Variants in RUNX1 observed in about 807,000 individuals in gnomAD.
RUNX1 encodes the protein runt-related transcription factor 1.
RUNX1 carries 19 observed loss-of-function variants against 42.8 expected under a neutral mutation model. The observed-to-expected ratio is 0.44, with a 90% CI of 0.31 to 0.65. The LOEUF (loss-of-function observed/expected upper bound fraction) is 0.65, where lower values mean the gene tolerates loss of function less well. RUNX1 is among the 30% of genes least tolerant of loss of function. The probability of loss-of-function intolerance (pLI) is 0.07; values close to 1 mark genes in which losing one functional copy is unlikely to be tolerated. For synonymous variants in RUNX1, 271 were observed against 289.4 expected, an observed-to-expected ratio of 0.94 and a Z score of 0.64; for missense variants, 528 against 672.0, an observed-to-expected ratio of 0.79 and a Z score of 2.37.
intron 6 of RUNX1, among the ~76,000 whole-genome samples, chr21:34,842,086 AT>A (rs1294361318): frequency 4.6e-5 from 7 of 152,232 alleles, no homozygotes; most frequent in African/African-American, 1.7e-4. Context: ...GAAAGCAGAA[AT>A]CATTTCAGGT....
At chr21:34,845,500 T>C (rs1444706843) in intron 6 of RUNX1, among the ~76,000 whole-genome samples, 1 of 152,238 alleles carries the variant, frequency 6.6e-6, no homozygotes, top group African/African-American at 2.4e-5. Flanking sequence ...AGCTCCTCTG[T>C]GTTACGCAGG....
At chr21:34,912,694 G>A (rs2058281691) in intron 2 of RUNX1, among the ~76,000 whole-genome samples, 1 of 152,170 alleles carries the variant, frequency 6.6e-6, no homozygotes, top group Non-Finnish European at 1.5e-5. Context: ...TTGAGATGCA[G>A]GCATTTGGAA....
chr21:34,870,441 A>G (rs910775748), intron 5 of RUNX1, among the ~76,000 whole-genome samples: 18 of 152,248 alleles, frequency 1.2e-4, no homozygotes, highest in Non-Finnish European at 2.4e-4. Context: ...CCCAGGGGAC[A>G]TGACGCAATG....
At chr21:34,908,524 G>C (rs967297462) in intron 2 of RUNX1, among the ~76,000 whole-genome samples, 2 of 152,150 alleles carry the variant, frequency 1.3e-5, no homozygotes, top group Non-Finnish European at 2.9e-5. Context: ...CCAAGGGCTG[G>C]GATAGCAAAT....
chr21:34,882,731 A>G (rs1318059106), intron 4 of RUNX1, among the ~76,000 whole-genome samples: 1 of 128,150 alleles, frequency 7.8e-6, no homozygotes, highest in Non-Finnish European at 1.7e-5. Context: ...GGCTTGCTTT[A>G]TTTTGCTCTT....
At chr21:34,978,941 C>T (rs1008962146) in intron 2 of RUNX1, among the ~76,000 whole-genome samples, 33 of 146,754 alleles carry the variant, frequency 2.2e-4, no homozygotes, top group East Asian at 1.0e-3. Context: ...CACAGATACA[C>T]ACACACACAC....
intron 4 of RUNX1, among the ~76,000 whole-genome samples, chr21:34,882,510 T>C (rs2300400): frequency 0.21 from 32,319 of 152,156 alleles, 3,768 homozygotes; most frequent in African/African-American, 0.29. Context: ...GTTTTCCATA[T>C]AGGAGATTTT....
At chr21:34,795,508 CTG>C (rs1456226815) in intron 8 of RUNX1, among the ~76,000 whole-genome samples, 1 of 152,356 alleles carries the variant, frequency 6.6e-6, no homozygotes, top group Middle Eastern at 3.4e-3. Flanking sequence ...CAGCCCAAGT[CTG>C]TAGCAGATCC....
chr21:34,894,922 C>T lies in RUNX1; in HGVS notation c.59-1959G>A, dbSNP rs866286199. ...ACACACACACACACACACACACACA[C>T]ACACACATATTCATATCTACATATA... On this transcript the variant is annotated intron_variant, in intron 2 of 8. Transcript: ENST00000675419. Among the ~76,000 whole-genome samples, 1,188 of 139,176 alleles carry T rather than the reference C, an allele frequency of 8.5e-3. 8 individuals carry two copies. Among genetic ancestry groups the T allele is most frequent in the Middle Eastern group, 0.017 (5 of 288 alleles). The allele number at this position is 139,176 out of a possible 152,430, so 91.3% of individuals were successfully genotyped here. A position where few individuals can be genotyped will look rare whatever the true frequency, so the allele number is the denominator to read the frequency against.
At chr21:34,965,082 C>T (rs902066260) in intron 2 of RUNX1, among the ~76,000 whole-genome samples, 1 of 152,100 alleles carries the variant, frequency 6.6e-6, no homozygotes, top group Non-Finnish European at 1.5e-5. Context: ...GCTACATCCA[C>T]ACATACATGC....
chr21:34,791,997 C>T lies in RUNX1; in HGVS notation c.*138G>A, dbSNP rs373546091. On this transcript the variant is annotated 3_prime_UTR_variant, in exon 9 of 9. Coordinates refer to ENST00000675419, the MANE Select transcript of RUNX1 (RefSeq NM_001754.5). ...GCCTGACCTACAGCGAGATCCTGGC[C>T]GTCGGGCGCCCTCGGCCCCAGGACG... 1.4e-5 allele frequency: 7 copies of T among 496,364 alleles called. No individual in the cohort carries two copies. The highest frequency in any genetic ancestry group is 2.3e-5 in the South Asian group (1 of 43,860). 30.7% of individuals were successfully genotyped at this position (496,364 alleles called of 1,614,324 possible). A position where few individuals can be genotyped will look rare whatever the true frequency, so the allele number is the denominator to read the frequency against.
chr21:35,007,862 C>G (rs1435592705), intron 2 of RUNX1, among the ~76,000 whole-genome samples: 1 of 152,156 alleles, frequency 6.6e-6, no homozygotes, highest in Non-Finnish European at 1.5e-5. Flanking sequence ...ATTTCATGTT[C>G]CAGCTTTAAA....
At chr21:34,866,634 C>G (rs1340124559) in intron 5 of RUNX1, among the ~76,000 whole-genome samples, 1 of 152,212 alleles carries the variant, frequency 6.6e-6, no homozygotes, top group Non-Finnish European at 1.5e-5. Flanking sequence ...ACATTTGCCA[C>G]TATTTTTGAC....
chr21:34,887,130 G>A (rs1431398291), intron 3 of RUNX1, 34 bp from the exon 4 acceptor site: 2 of 1,597,896 alleles, frequency 1.3e-6, no homozygotes, highest in African/African-American at 1.3e-5. Context: ...AGCCGATTGA[G>A]TTAGGACCCT....
intron 2 of RUNX1, among the ~76,000 whole-genome samples, chr21:35,009,699 C>A (rs968501396): frequency 6.6e-6 from 1 of 152,062 alleles, no homozygotes; most frequent in Non-Finnish European, 1.5e-5. Flanking sequence ...TTCCTCTTGC[C>A]AGCCCTTAAG....
At chr21:34,905,542 A>C (rs990937669) in intron 2 of RUNX1, among the ~76,000 whole-genome samples, 4 of 152,244 alleles carry the variant, frequency 2.6e-5, no homozygotes, top group African/African-American at 9.6e-5. Flanking sequence ...CCTTTAGTGA[A>C]GATATGACAC....
chr21:34,877,984 G>A (rs2146343725), intron 5 of RUNX1, among the ~76,000 whole-genome samples: 1 of 152,238 alleles, frequency 6.6e-6, no homozygotes, highest in Non-Finnish European at 1.5e-5. Flanking sequence ...GCCATGGCGT[G>A]GTGTGTTCAT....
intron 2 of RUNX1, among the ~76,000 whole-genome samples, chr21:35,046,451 C>T (rs116817715): frequency 1.3e-3 from 202 of 152,260 alleles, no homozygotes; most frequent in African/African-American, 4.6e-3. Flanking sequence ...TCACAGTTGC[C>T]GTTGGGGAGG....
intron 5 of RUNX1, among the ~76,000 whole-genome samples, chr21:34,869,546 G>A (rs2057709186): frequency 6.6e-6 from 1 of 152,198 alleles, no homozygotes; most frequent in Non-Finnish European, 1.5e-5. Flanking sequence ...TGGCCAGAAT[G>A]CAAGATAATA....
Sources: gnomAD v4.1 joint callset for allele counts (sites outside exome capture counted in the v4.1 genomes callset) on GRCh38, gnomAD v4.1.1 for gene constraint, MANE v1.5 for transcripts, NCBI Gene and HGNC (gene_info 2026-07-23, HGNC 2026-07-21) for gene names.